ATF6: variants seen among roughly 807,000 people sequenced by gnomAD.
ATF6 encodes activating transcription factor 6, also known as cyclic AMP-dependent transcription factor ATF-6 alpha.
In ATF6, 53 loss-of-function variants were observed where a neutral mutation model predicts 83.6. The ratio of observed to expected loss-of-function variants is 0.63; its 90% confidence interval spans 0.51 to 0.80. The LOEUF (loss-of-function observed/expected upper bound fraction) is 0.80. Ranked by LOEUF, ATF6 falls within the 30% of genes least tolerant of loss-of-function variation. ATF6 has a pLI of 0.00. For synonymous variants in ATF6, 288 were observed against 285.8 expected (o/e 1.01, Z -0.08); for missense variants, 744 against 797.9 (o/e 0.93, Z 0.81).
At chr1:161,874,309 C>T (rs755436921) in intron 14 of ATF6, among the ~76,000 whole-genome samples, 2 of 151,402 alleles carry the variant, frequency 1.3e-5, no homozygotes, top group Non-Finnish European at 3.0e-5. Flanking sequence ...CTGTAATGTC[C>T]TAGAAAGATG....
At chr1:161,839,068 T>C (rs980644898) in intron 9 of ATF6, among the ~76,000 whole-genome samples, 1 of 152,192 alleles carries the variant, frequency 6.6e-6, no homozygotes, top group African/African-American at 2.4e-5. Flanking sequence ...AATGGTGTAA[T>C]AGTGACTTCA....
In ATF6 at chr1:161,818,555, A is replaced by T. The variant is rs185023017; in HGVS notation, c.910-1078A>T. Among the ~76,000 whole-genome samples the T allele has an allele frequency of 4.9e-3, 750 of 152,322 alleles. 5 individuals are homozygous for T. The highest frequency in any genetic ancestry group is 6.8e-3 in the Non-Finnish European group (465 of 68,026). Reference sequence around the variant, plus strand: ...GTTCCAGTATATCCTCCAAATTCTAAGGGTATAAGATGTTCAGAGAAAATA... The same window carrying T: ...GTTCCAGTATATCCTCCAAATTCTATGGGTATAAGATGTTCAGAGAAAATA... On this transcript the variant is annotated intron_variant, in intron 7 of 15. Transcript: ENST00000367942.
At chr1:161,868,488 TATG>T (rs1244690082) in intron 14 of ATF6, among the ~76,000 whole-genome samples, 1 of 152,122 alleles carries the variant, frequency 6.6e-6, no homozygotes, top group Non-Finnish European at 1.5e-5. Flanking sequence ...TTCTCATCTA[TATG>T]ATAAGCCTTT....
intron 15 of ATF6, among the ~76,000 whole-genome samples, chr1:161,949,020 C>T (rs957427016): frequency 6.6e-6 from 1 of 152,206 alleles, no homozygotes; most frequent in Non-Finnish European, 1.5e-5. Context: ...CTGTACTTAA[C>T]CCCATTCTCA....
At chr1:161,859,569 A>G (rs1436067077) in intron 12 of ATF6, among the ~76,000 whole-genome samples, 2 of 152,200 alleles carry the variant, frequency 1.3e-5, no homozygotes, top group Non-Finnish European at 2.9e-5. Flanking sequence ...TATGCCCTTG[A>G]AGTCTGATAC....
intron 14 of ATF6, among the ~76,000 whole-genome samples, chr1:161,888,349 T>G (rs1370882289): frequency 1.3e-5 from 2 of 152,204 alleles, no homozygotes; most frequent in Non-Finnish European, 2.9e-5. Flanking sequence ...AATTACATAG[T>G]AATCTTTTAT....
At chr1:161,830,856 C>T (rs563405436) in intron 9 of ATF6, among the ~76,000 whole-genome samples, 30 of 152,322 alleles carry the variant, frequency 2.0e-4, no homozygotes, top group African/African-American at 7.2e-4. Context: ...TACAAGAAAA[C>T]CTAGGCAATA....
At chr1:161,802,510 T>A (rs545043349) in intron 7 of ATF6, among the ~76,000 whole-genome samples, 32 of 152,320 alleles carry the variant, frequency 2.1e-4, no homozygotes, top group African/African-American at 7.2e-4. Flanking sequence ...AAGCAAAGTA[T>A]GCATACCTCC....
chr1:161,881,225 G>T (rs1687320620), intron 14 of ATF6, among the ~76,000 whole-genome samples: 1 of 152,076 alleles, frequency 6.6e-6, no homozygotes, highest in Non-Finnish European at 1.5e-5. Context: ...GATTTGCTGG[G>T]TCTTCTACTC....
intron 9 of ATF6, among the ~76,000 whole-genome samples, chr1:161,825,656 C>G (rs1685877992): frequency 6.6e-6 from 1 of 151,952 alleles, no homozygotes; most frequent in Admixed American, 6.5e-5. Context: ...GCAGAGCTTT[C>G]ATGCCCTCTC....
At chr1:161,923,591 C>G (rs1688256345) in intron 15 of ATF6, among the ~76,000 whole-genome samples, 1 of 152,126 alleles carries the variant, frequency 6.6e-6, no homozygotes, top group Admixed American at 6.5e-5. Flanking sequence ...AATGTTATTA[C>G]TTTGCTAAGA....
intron 9 of ATF6, among the ~76,000 whole-genome samples, chr1:161,828,899 T>C (rs1557982740): frequency 6.6e-6 from 1 of 152,176 alleles, no homozygotes; most frequent in African/African-American, 2.4e-5. Context: ...CCATCTCATA[T>C]GCAGAGACAC....
chr1:161,815,565 T>G (rs1028797169), intron 7 of ATF6, among the ~76,000 whole-genome samples: 7 of 152,082 alleles, frequency 4.6e-5, no homozygotes, highest in African/African-American at 1.7e-4. Context: ...AAACAAGGCT[T>G]TAGTCAATTT....
intron 4 of ATF6, among the ~76,000 whole-genome samples, chr1:161,790,833 A>G (rs1335182272): frequency 1.3e-5 from 2 of 151,936 alleles, no homozygotes; most frequent in African/African-American, 2.4e-5. Flanking sequence ...AACAACAACA[A>G]CAACAACAAC....
intron 10 of ATF6, among the ~76,000 whole-genome samples, chr1:161,847,934 C>T (rs896325205): frequency 1.3e-5 from 2 of 152,042 alleles, no homozygotes. Context: ...CATAAGATAA[C>T]ATGGTGGCTC....
intron 15 of ATF6, among the ~76,000 whole-genome samples, chr1:161,934,474 T>C (rs941003222): frequency 6.6e-6 from 1 of 152,210 alleles, no homozygotes; most frequent in African/African-American, 2.4e-5. Flanking sequence ...TGTTTCCTAG[T>C]GGTGCTGGCA....
chr1:161,846,404 G>A lies in ATF6; in HGVS notation c.1188-45G>A, dbSNP rs1430488474. On this transcript the variant is annotated intron_variant, in intron 9 of 15. Coordinates refer to ENST00000367942, the MANE Select transcript of ATF6 (RefSeq NM_007348.4). ...AGCTGCATGTAGCAGGCATATGTGT[G>A]ACATATTTTTATTTCAGCTATTATT... 5 of 1,573,270 alleles carry A rather than the reference G, an allele frequency of 3.2e-6. No homozygotes were observed. In the South Asian group the frequency reaches 3.5e-5, roughly 11 times the overall value.
At chr1:161,868,060 T>C (rs913611240) in intron 14 of ATF6, among the ~76,000 whole-genome samples, 1 of 152,224 alleles carries the variant, frequency 6.6e-6, no homozygotes, top group Admixed American at 6.5e-5. Context: ...CCTCTGTGCT[T>C]GTGCTTCATT....
At position 161,956,174 on chromosome 1, in the gene ATF6, A is replaced by G. The variant is rs569106355; in HGVS notation, c.1805-2272A>G. ...TATTAGAGAACCTAGTCTTGATCTT[A>G]AACTGTCATCTGGATTCTGAGTTAA... On this transcript the variant is annotated intron_variant, in intron 15 of 15. Coordinates refer to ENST00000367942, the MANE Select transcript of ATF6 (RefSeq NM_007348.4). Among the ~76,000 whole-genome samples, 5 of 152,320 alleles carry G rather than the reference A, an allele frequency of 3.3e-5. No individual in the cohort carries two copies. In the East Asian group the frequency reaches 9.6e-4, roughly 29 times the overall value.
Sources: allele counts gnomAD v4.1 joint callset (sites outside exome capture counted in the v4.1 genomes callset), GRCh38; gene constraint gnomAD v4.1.1; transcripts MANE v1.5; gene names NCBI Gene and HGNC (gene_info 2026-07-23, HGNC 2026-07-21).